Variants in PGR observed in about 807,000 individuals in gnomAD.
PGR encodes progesterone receptor.
In PGR, 25 loss-of-function variants were observed where a neutral mutation model predicts 76.1. That is an observed-to-expected ratio of 0.33 (90% CI 0.24 to 0.46). The LOEUF (loss-of-function observed/expected upper bound fraction) is 0.46, where lower values mean the gene tolerates loss of function less well. Ranked by LOEUF, PGR falls within the 20% of genes least tolerant of loss-of-function variation. The probability of loss-of-function intolerance (pLI) is 1.00; values close to 1 mark genes in which losing one functional copy is unlikely to be tolerated. For missense variants in PGR, 1,172 were observed against 1,225.3 expected, an observed-to-expected ratio of 0.96 and a Z score of 0.65; for synonymous variants, 579 against 535.0, an observed-to-expected ratio of 1.08 and a Z score of -1.14.
rs995713610 is a variant in PGR, at chr11:101,126,198, G to A, written c.1638-40C>T. ...CAAAGTACTCCATTTATTTTTAAGT[G>A]CACCACTATCTAATACTAAAGGTTT... On this transcript the variant is annotated intron_variant, in intron 1 of 7. Transcript: ENST00000325455. The A allele has an allele frequency of 6.9e-6, 11 of 1,598,016 alleles. No homozygotes were observed. The East Asian group carries it at 1.1e-4, about 16-fold the overall frequency.
chr11:101,124,625 T>C (rs1010094222), intron 2 of PGR, among the ~76,000 whole-genome samples: 1 of 152,160 alleles, frequency 6.6e-6, no homozygotes, highest in African/African-American at 2.4e-5. Flanking sequence ...GAGGAAATCA[T>C]ATTAATGCAG....
Position 101,031,637 on chromosome 11 carries a change from G to A in PGR, c.*7479C>T, listed in dbSNP as rs1041487815. ...GGTATACCATTTTGTAATTCCACTT[G>A]ATAATGGCATCTGATTATTTGATCA... On this transcript the variant is annotated 3_prime_UTR_variant, in exon 8 of 8. Coordinates refer to ENST00000325455, the MANE Select transcript of PGR (RefSeq NM_000926.4). 1.7e-4 allele frequency: 35 copies of A among 208,482 alleles called. No homozygotes were observed. The highest frequency in any genetic ancestry group is 2.4e-4 in the Non-Finnish European group (25 of 105,278). 12.9% of individuals were successfully genotyped at this position (208,482 alleles called of 1,614,324 possible). A position where few individuals can be genotyped will look rare whatever the true frequency, so the allele number is the denominator to read the frequency against.
rs762336123 is a variant in PGR at position 101,127,823 on chromosome 11, A to T, written c.1248T>A (p.Asp416Glu). 3.8e-6 allele frequency: 6 copies of T among 1,576,712 alleles called. No individual in the cohort carries two copies. In the African/African-American group the frequency reaches 8.1e-5, roughly 21 times the overall value. ...VAGANPAAFPDFPLGPPPPLP... is the reference protein window; with the variant it reads ...VAGANPAAFPEFPLGPPPPLP... ...GCGGGGGCGGTGGCCCCAACGGGAAATCCGGGAAGGCTGCGGGGTTGGCAC... is the reference window on the plus strand; with the variant it reads ...GCGGGGGCGGTGGCCCCAACGGGAATTCCGGGAAGGCTGCGGGGTTGGCAC... The change falls in exon 1 of 8, where the codon GAT (aspartate) becomes GAA (glutamate). Residue 416 changes from aspartate to glutamate, a missense_variant. By Grantham distance (45) the Asp-to-Glu change is conservative. This residue lies in a region of PGR where 893 missense variants were observed against 785.9 expected (regional missense o/e 1.14). Transcript: ENST00000325455.
chr11:101,120,910 T>G (rs746807861), intron 2 of PGR, among the ~76,000 whole-genome samples: 5 of 152,238 alleles, frequency 3.3e-5, no homozygotes, highest in Non-Finnish European at 7.3e-5. Context: ...CTCTGGCTCT[T>G]GTAGTGGTAT....
chr11:101,116,136 G>A (rs1349325345), intron 2 of PGR, among the ~76,000 whole-genome samples: 1 of 152,198 alleles, frequency 6.6e-6, no homozygotes, highest in Non-Finnish European at 1.5e-5. Flanking sequence ...TTTGTTTGCA[G>A]TGCTTTTTGA....
At chr11:101,060,192 CGTGTGTGTGTGT>C (rs35939398) in intron 4 of PGR, among the ~76,000 whole-genome samples, 1 of 150,680 alleles carries the variant, frequency 6.6e-6, no homozygotes, top group African/African-American at 2.4e-5. Flanking sequence ...TGTGTGTGTG[CGTGTGTGTGTGT>C]GTGTCTCACT....
At chr11:101,068,730 T>TG (rs371866019) in intron 3 of PGR, among the ~76,000 whole-genome samples, 10 of 150,554 alleles carry the variant, frequency 6.6e-5, no homozygotes, top group African/African-American at 2.5e-4. Flanking sequence ...TACAACCATC[T>TG]GATCTTTGAC....
At chr11:101,086,532 A>G (rs549972113) in intron 3 of PGR, among the ~76,000 whole-genome samples, 2 of 152,300 alleles carry the variant, frequency 1.3e-5, no homozygotes, top group South Asian at 4.1e-4. Context: ...ATCTGGAAAA[A>G]GTTAAGGATG....
At position 101,033,199 on chromosome 11, in the gene PGR, G is replaced by A. The variant is rs1293275728; in HGVS notation, c.*5917C>T. On this transcript the variant is annotated 3_prime_UTR_variant, in exon 8 of 8. Coordinates refer to ENST00000325455, the MANE Select transcript of PGR (RefSeq NM_000926.4). ...AGTGAAGAATTCTAAAGTCTGCCATGTGAAAATCTCTTCCTATCCCTAATC... is the reference window on the plus strand; with the variant it reads ...AGTGAAGAATTCTAAAGTCTGCCATATGAAAATCTCTTCCTATCCCTAATC... 4.8e-6 allele frequency: 1 copy of A among 209,328 alleles called. No individual in the cohort carries two copies. Among genetic ancestry groups the A allele is most frequent in the Non-Finnish European group, 9.7e-6 (1 of 102,910 alleles). The allele number at this position is 209,328 out of a possible 1,614,324, so 13.0% of individuals were successfully genotyped here.
rs11224559 is a variant in PGR, at chr11:101,031,017, A to T, written c.*8099T>A. 0.015 allele frequency: 2,788 copies of T among 190,316 alleles called. 75 individuals carry two copies. The highest frequency in any genetic ancestry group is 0.06 in the African/African-American group (2,568 of 43,016). 11.8% of individuals were successfully genotyped at this position (190,316 alleles called of 1,614,324 possible). A position where few individuals can be genotyped will look rare whatever the true frequency, so the allele number is the denominator to read the frequency against. On this transcript the variant is annotated 3_prime_UTR_variant, in exon 8 of 8. Transcript: ENST00000325455. Reference sequence around the variant, plus strand: ...TATGCTTGCCTGTAAAGTCTGCAACATCTTAGAGAAGCTTGGATTTAGTGT... The same window carrying T: ...TATGCTTGCCTGTAAAGTCTGCAACTTCTTAGAGAAGCTTGGATTTAGTGT...
chr11:101,080,063 G>A (rs1390095671), intron 3 of PGR, among the ~76,000 whole-genome samples: 2 of 152,162 alleles, frequency 1.3e-5, no homozygotes, highest in Non-Finnish European at 2.9e-5. Flanking sequence ...ACTGGTGCTT[G>A]TGCTTGCCAT....
At chr11:101,061,889 G>A (rs1442568254) in intron 4 of PGR, among the ~76,000 whole-genome samples, 2 of 152,210 alleles carry the variant, frequency 1.3e-5, no homozygotes, top group South Asian at 2.1e-4. Flanking sequence ...GTTGCTGGGC[G>A]ATATACTCTC....
intron 2 of PGR, among the ~76,000 whole-genome samples, chr11:101,112,896 T>C (rs1236816113): frequency 1.3e-5 from 2 of 152,208 alleles, no homozygotes; most frequent in African/African-American, 2.4e-5. Flanking sequence ...TTATTTACTA[T>C]TTATCTGTGC....
At position 101,031,590 on chromosome 11, in the gene PGR, CTT is replaced by C. The variant is rs760929776; in HGVS notation, c.*7524_*7525del. On this transcript the variant is annotated 3_prime_UTR_variant, in exon 8 of 8. Coordinates refer to ENST00000325455, the MANE Select transcript of PGR (RefSeq NM_000926.4). ...TCACAATGTTCTACTGAGAATTTAG[CTT>C]TTTTTTTTTTTTTGGAGTGGGTATA... The C allele has an allele frequency of 7.3e-3, 1,330 of 183,234 alleles. No homozygotes were observed. Among genetic ancestry groups the C allele is most frequent in the East Asian group, 0.015 (179 of 12,068 alleles). The allele number at this position is 183,234 out of a possible 1,614,324, so 11.4% of individuals were successfully genotyped here.
At chr11:101,063,077 CA>C in intron 3 of PGR, 1 of 247,880 alleles carries the variant, frequency 4.0e-6, no homozygotes, top group Non-Finnish European at 7.8e-6. Context: ...AATAAAAAGA[CA>C]AAGAGTTTTA....
At chr11:101,122,353 G>A (rs1591433965) in intron 2 of PGR, among the ~76,000 whole-genome samples, 1 of 152,298 alleles carries the variant, frequency 6.6e-6, no homozygotes, top group East Asian at 1.9e-4. Context: ...TATCAGTTAT[G>A]ATGACTGGAT....
rs761514775 is a variant in PGR at position 101,091,878 on chromosome 11, TA to T, written c.1790-3del. 1.5e-5 allele frequency: 22 copies of T among 1,494,712 alleles called. No homozygotes were observed. Among genetic ancestry groups the T allele is most frequent in the South Asian group, 3.4e-5 (3 of 88,562 alleles). The allele number at this position is 1,494,712 out of a possible 1,614,324, so 92.6% of individuals were successfully genotyped here. A position where few individuals can be genotyped will look rare whatever the true frequency, so the allele number is the denominator to read the frequency against. ...CAGCACATAAGTAGTTGTGCTGCCC[TA>T]AAAAAACAAAATGAGTCAAAATTAT... On this transcript the variant is annotated splice_polypyrimidine_tract_variant and splice_region_variant and intron_variant, in intron 2 of 7. Coordinates refer to ENST00000325455, the MANE Select transcript of PGR (RefSeq NM_000926.4).
chr11:101,043,062 T>C (rs1032321119), intron 6 of PGR, among the ~76,000 whole-genome samples: 2 of 152,178 alleles, frequency 1.3e-5, no homozygotes, highest in African/African-American at 4.8e-5. Flanking sequence ...GCTGCATCAG[T>C]TGACTCTTTT....
Position 101,076,919 on chromosome 11 carries a change from ATTT to A in PGR, c.1907-14170_1907-14168del, listed in dbSNP as rs59106149. 2.6e-3 allele frequency among the ~76,000 whole-genome samples: 170 copies of A among 65,122 alleles called. 2 individuals carry two copies. The highest frequency in any genetic ancestry group is 4.8e-3 in the African/African-American group (83 of 17,250). The allele number at this position is 65,122 out of a possible 152,430, so 42.7% of individuals were successfully genotyped here. A position where few individuals can be genotyped will look rare whatever the true frequency, so the allele number is the denominator to read the frequency against. ...CTATTTTTTTAAAACTACAAATGGA[ATTT>A]TTTTTTTTTTTTTTTTTTTTTTTGC... On this transcript the variant is annotated intron_variant, in intron 3 of 7. Coordinates refer to ENST00000325455, the MANE Select transcript of PGR (RefSeq NM_000926.4).
Sources: allele counts gnomAD v4.1 joint callset (sites outside exome capture counted in the v4.1 genomes callset), GRCh38; gene constraint gnomAD v4.1.1; regional missense constraint gnomAD v4.1.1; transcripts MANE v1.5; gene names NCBI Gene and HGNC (gene_info 2026-07-23, HGNC 2026-07-21).